The following APP variants were observed in gnomAD, a reference collection of about 807,000 sequenced individuals.
APP encodes the protein amyloid beta precursor protein.
APP carries 31 observed loss-of-function variants against 101.4 expected under a neutral mutation model. That is an observed-to-expected ratio of 0.31 (90% CI 0.23 to 0.41). APP has a LOEUF of 0.41. APP is among the 10% of genes least tolerant of loss of function. The probability of loss-of-function intolerance (pLI) is 1.00; values close to 1 mark genes in which losing one functional copy is unlikely to be tolerated. For missense variants in APP, 839 were observed against 1,003.7 expected, an observed-to-expected ratio of 0.84 and a Z score of 2.22; for synonymous variants, 366 against 364.4, an observed-to-expected ratio of 1.00 and a Z score of -0.05.
At chr21:25,916,113 TC>T (rs2039337543) in intron 13 of APP, among the ~76,000 whole-genome samples, 1 of 152,124 alleles carries the variant, frequency 6.6e-6, no homozygotes, top group South Asian at 2.1e-4. Context: ...CAAGCGATTC[TC>T]CTGCCTCAGT....
At chr21:26,154,950 T>G (rs932331640) in intron 1 of APP, among the ~76,000 whole-genome samples, 8 of 152,162 alleles carry the variant, frequency 5.3e-5, no homozygotes, top group African/African-American at 1.9e-4. Context: ...CTGGTCTGAA[T>G]TAAAATATGT....
rs763366215 is a variant in APP, at chr21:26,115,548, C to T, written c.58-3402G>A. ...TATGAAACAAAGCCTGGTTGCTAAG[C>T]GCAGCCACTCCCTGGCATTCAGCCA... On this transcript the variant is annotated intron_variant, in intron 1 of 17. Coordinates refer to ENST00000346798, the MANE Select transcript of APP (RefSeq NM_000484.4). Among the ~76,000 whole-genome samples, 34 of 152,190 alleles carry T rather than the reference C, an allele frequency of 2.2e-4. 1 individual carries two copies. Among genetic ancestry groups the T allele is most frequent in the Non-Finnish European group, 4.3e-4 (29 of 68,040 alleles).
At chr21:25,964,831 C>T (rs1047879202) in intron 11 of APP, among the ~76,000 whole-genome samples, 2 of 152,096 alleles carry the variant, frequency 1.3e-5, no homozygotes, top group African/African-American at 4.8e-5. Flanking sequence ...AACTCCCGAC[C>T]TCAGGTGATC....
intron 1 of APP, among the ~76,000 whole-genome samples, chr21:26,149,075 A>G (rs2063210666): frequency 6.6e-6 from 1 of 152,198 alleles, no homozygotes. Flanking sequence ...TTCCTGCAGG[A>G]GAGGGTGAAA....
intron 8 of APP, among the ~76,000 whole-genome samples, chr21:25,990,111 GA>G (rs1350570257): frequency 6.6e-6 from 1 of 151,186 alleles, no homozygotes; most frequent in Non-Finnish European, 1.5e-5. Flanking sequence ...AACAACAAAA[GA>G]AAAAACAAAG....
chr21:25,898,462 C>G (rs1346715025), intron 15 of APP, among the ~76,000 whole-genome samples: 3 of 152,134 alleles, frequency 2.0e-5, no homozygotes, highest in African/African-American at 7.2e-5. Context: ...ATGTAAATGT[C>G]AGTGTCCATG....
intron 3 of APP, among the ~76,000 whole-genome samples, chr21:26,079,043 T>G (rs2061546778): frequency 2.9e-5 from 1 of 34,256 alleles, no homozygotes; most frequent in African/African-American, 1.1e-4. Flanking sequence ...AAACTCCATC[T>G]CAAAAAAAAA....
intron 1 of APP, among the ~76,000 whole-genome samples, chr21:26,144,050 G>A (rs557980743): frequency 1.5e-4 from 23 of 152,246 alleles, no homozygotes; most frequent in Admixed American, 5.2e-4. Context: ...TAGGGTAGAC[G>A]GGGAGGCAAA....
chr21:26,010,226 A>C (rs1214159162), intron 6 of APP, among the ~76,000 whole-genome samples: 3 of 152,030 alleles, frequency 2.0e-5, no homozygotes, highest in Non-Finnish European at 2.9e-5. Context: ...AAAAAAAAAA[A>C]AACAAAACAA....
chr21:26,046,554 A>C lies in APP; in HGVS notation c.662+4446T>G. ...AAAAAATGTTCAAAGAAATAGAAAA[A>C]AAAAATCATCTAATTATCCAGAAAG... On this transcript the variant is annotated intron_variant, in intron 5 of 17. Coordinates refer to ENST00000346798, the MANE Select transcript of APP (RefSeq NM_000484.4). Among the ~76,000 whole-genome samples, 3 of 152,286 alleles carry C rather than the reference A, an allele frequency of 2.0e-5. No individual in the cohort carries two copies. In the Middle Eastern group the frequency reaches 0.01, roughly 518 times the overall value.
chr21:25,956,220 A>G (rs569662117), intron 11 of APP, among the ~76,000 whole-genome samples: 2 of 152,380 alleles, frequency 1.3e-5, no homozygotes, highest in East Asian at 3.9e-4. Flanking sequence ...AAAACAGGAA[A>G]TTTAACCACT....
intron 11 of APP, among the ~76,000 whole-genome samples, chr21:25,959,494 A>G (rs909279033): frequency 6.6e-6 from 1 of 152,244 alleles, no homozygotes; most frequent in Non-Finnish European, 1.5e-5. Flanking sequence ...TAGAAAAGAC[A>G]GTCTGTTCCA....
chr21:25,923,333 G>C (rs1318580477), intron 13 of APP, among the ~76,000 whole-genome samples: 1 of 148,650 alleles, frequency 6.7e-6, no homozygotes, highest in Non-Finnish European at 1.5e-5. Flanking sequence ...AGGACTTCAC[G>C]TCCAAAACAC....
chr21:25,961,575 A>T (rs2146517050), intron 11 of APP, among the ~76,000 whole-genome samples: 1 of 152,346 alleles, frequency 6.6e-6, no homozygotes, highest in Middle Eastern at 3.4e-3. Flanking sequence ...GCCAAAATAC[A>T]AATCCTCCAG....
intron 3 of APP, among the ~76,000 whole-genome samples, chr21:26,061,879 A>G (rs987338803): frequency 2.0e-5 from 3 of 152,212 alleles, no homozygotes; most frequent in African/African-American, 7.2e-5. Context: ...CCAGCCTCAC[A>G]TACGTACCAT....
intron 2 of APP, among the ~76,000 whole-genome samples, chr21:26,107,500 C>T (rs755935396): frequency 1.3e-5 from 2 of 152,210 alleles, no homozygotes; most frequent in East Asian, 1.9e-4. Context: ...GCACTCTTAT[C>T]TTTCCCCTCA....
intron 15 of APP, among the ~76,000 whole-genome samples, chr21:25,898,616 G>C (rs1569025511): frequency 1.3e-5 from 2 of 152,204 alleles, no homozygotes; most frequent in Admixed American, 6.5e-5. Flanking sequence ...TCCATTTTTT[G>C]ATAGATTTGC....
At chr21:26,159,339 A>G (rs1483910734) in intron 1 of APP, among the ~76,000 whole-genome samples, 1 of 152,230 alleles carries the variant, frequency 6.6e-6, no homozygotes, top group Non-Finnish European at 1.5e-5. Context: ...TTGGCCTCCC[A>G]AAGTGCTGGG....
intron 2 of APP, among the ~76,000 whole-genome samples, chr21:26,105,190 T>C (rs111573329): frequency 1.1e-4 from 16 of 151,958 alleles, no homozygotes; most frequent in Admixed American, 5.2e-4. Context: ...AATGAAGCAA[T>C]TGTTCAATAA....
Sources: gnomAD v4.1 joint callset for allele counts (sites outside exome capture counted in the v4.1 genomes callset) on GRCh38, gnomAD v4.1.1 for gene constraint, MANE v1.5 for transcripts, NCBI Gene and HGNC (gene_info 2026-07-23, HGNC 2026-07-21) for gene names.